Variants in PPP2R5C observed in about 807,000 individuals in gnomAD.
The protein encoded by PPP2R5C is protein phosphatase 2 regulatory subunit B'gamma, also known as serine/threonine-protein phosphatase 2A 56 kDa regulatory subunit gamma isoform.
In PPP2R5C, 7 loss-of-function variants were observed where a neutral mutation model predicts 68.9. That is an observed-to-expected ratio of 0.10 (90% CI 0.06 to 0.19). The LOEUF (loss-of-function observed/expected upper bound fraction) is 0.19, where lower values mean the gene tolerates loss of function less well. Ranked by LOEUF, PPP2R5C falls within the 10% of genes least tolerant of loss-of-function variation. The pLI is 1.00. For missense variants in PPP2R5C, 348 were observed against 641.3 expected (o/e 0.54, Z 4.94); for synonymous variants, 210 against 222.2 (o/e 0.95, Z 0.49).
intron 2 of PPP2R5C, among the ~76,000 whole-genome samples, chr14:101,778,572 T>G (rs2037530803): frequency 6.6e-6 from 1 of 152,178 alleles, no homozygotes. Context: ...GTTGAAATCG[T>G]TTTTTTCCTG....
At chr14:101,903,385 T>A (rs1356339092) in intron 9 of PPP2R5C, among the ~76,000 whole-genome samples, 3 of 152,244 alleles carry the variant, frequency 2.0e-5, no homozygotes, top group African/African-American at 7.2e-5. Context: ...GCCGCGCAGC[T>A]GCCAGTGGCT....
chr14:101,790,849 G>A (rs1218120594), intron 3 of PPP2R5C, among the ~76,000 whole-genome samples: 1 of 152,250 alleles, frequency 6.6e-6, no homozygotes, highest in Non-Finnish European at 1.5e-5. Flanking sequence ...GGGAGGCCGA[G>A]GCGGGCGGAT....
rs142022401 is a variant in PPP2R5C, at chr14:101,912,661, T to C, written c.1326+188T>C. The C allele has an allele frequency of 4.6e-3, 5,688 of 1,223,458 alleles. 20 individuals carry two copies. Among genetic ancestry groups the C allele is most frequent in the Non-Finnish European group, 5.5e-3 (5,228 of 953,726 alleles). The allele number at this position is 1,223,458 out of a possible 1,614,324, so 75.8% of individuals were successfully genotyped here. ...GTACAAGTACTTATTTTGCCCCATA[T>C]CGTTTTACCACAGAATTGACTTTTT... On this transcript the variant is annotated intron_variant, in intron 12 of 13. Coordinates refer to ENST00000334743, the Ensembl canonical transcript of PPP2R5C.
At chr14:101,794,190 C>T (rs1372618004) in intron 3 of PPP2R5C, among the ~76,000 whole-genome samples, 1 of 152,192 alleles carries the variant, frequency 6.6e-6, no homozygotes, top group Non-Finnish European at 1.5e-5. Context: ...CCAGAACTTC[C>T]CTGCTTCCTG....
At chr14:101,923,227 A>G (rs1276782511) in intron 13 of PPP2R5C, among the ~76,000 whole-genome samples, 1 of 152,256 alleles carries the variant, frequency 6.6e-6, no homozygotes, top group Non-Finnish European at 1.5e-5. Context: ...ATGTCTAAGC[A>G]GAAAGGCCCA....
intron 13 of PPP2R5C, among the ~76,000 whole-genome samples, chr14:101,924,721 A>G (rs1028150309): frequency 2.6e-5 from 4 of 152,030 alleles, no homozygotes; most frequent in African/African-American, 7.2e-5. Flanking sequence ...GATTACAGGC[A>G]TGAGCCACCG....
At chr14:101,826,809 G>A (rs2040426158) in intron 1 of PPP2R5C, among the ~76,000 whole-genome samples, 1 of 152,070 alleles carries the variant, frequency 6.6e-6, no homozygotes, top group African/African-American at 2.4e-5. Flanking sequence ...CTCTGACTGT[G>A]AGCAGAGAAC....
rs142195305 is a variant in PPP2R5C at position 101,881,646 on chromosome 14, G to A, written c.295-515G>A. Among the ~76,000 whole-genome samples the A allele has an allele frequency of 4.6e-5, 7 of 152,310 alleles. No homozygotes were observed. The East Asian group carries it at 5.8e-4, about 13-fold the overall frequency. ...GATCTTAGCTGCCGACTCAAAGGTC[G>A]TCCCACTCTGACTGTTGCTTTCCTC... On this transcript the variant is annotated intron_variant, in intron 2 of 13. Transcript: ENST00000334743.
At position 101,899,767 on chromosome 14, in the gene PPP2R5C, T is replaced by C. The variant is rs768208449; in HGVS notation, c.853-1952T>C. The stretch of plus-strand genomic sequence containing the variant: ...GTGGTAGGAACACAATAAATACTTA[T>C]TCAATAGTTTTGAGCTAGGAGAACC... On this transcript the variant is annotated intron_variant, in intron 8 of 13. Coordinates refer to ENST00000334743, the Ensembl canonical transcript of PPP2R5C. The surrounding 1 kb of genome is among the most constrained non-coding windows in gnomAD (Gnocchi z 4.2). 6.6e-6 allele frequency among the ~76,000 whole-genome samples: 1 copy of C among 152,230 alleles called. No homozygotes were observed. Among genetic ancestry groups the C allele is most frequent in the African/African-American group, 2.4e-5 (1 of 41,464 alleles).
intron 3 of PPP2R5C, among the ~76,000 whole-genome samples, chr14:101,788,533 A>G (rs1204238653): frequency 6.6e-6 from 1 of 152,090 alleles, no homozygotes; most frequent in Non-Finnish European, 1.5e-5. Flanking sequence ...TTCTATTCTC[A>G]ACCTCCGTTT....
In PPP2R5C at chr14:101,768,895, G is replaced by A. The variant is rs376826404; in HGVS notation, c.93+5925G>A. On this transcript the variant is annotated intron_variant, in intron 2 of 14. Coordinates refer to the PPP2R5C transcript ENST00000328724. ...GCTGGAGTGCAGTGGCGCAATCTCC[G>A]CTCACTGCCAGCTCCGCCTCCCGGA... Among the ~76,000 whole-genome samples, 35 of 148,908 alleles carry A rather than the reference G, an allele frequency of 2.4e-4. No homozygotes were observed. The South Asian group carries it at 3.4e-3, about 14-fold the overall frequency.
exon 14 of PPP2R5C, chr14:101,925,300 C>T: frequency 6.2e-7 from 1 of 1,608,326 alleles, no homozygotes; most frequent in East Asian, 2.2e-5. Context: ...CGGGGCCGGG[C>T]CCGCCAGTTC....
chr14:101,822,373 T>C (rs980724072), intron 1 of PPP2R5C, among the ~76,000 whole-genome samples: 11 of 152,218 alleles, frequency 7.2e-5, no homozygotes, highest in Admixed American at 7.2e-4. Context: ...TTATTCTTAG[T>C]TAAGAGAAAT....
intron 1 of PPP2R5C, among the ~76,000 whole-genome samples, chr14:101,762,429 T>C (rs1302507865): frequency 8.6e-5 from 13 of 151,826 alleles, no homozygotes. Flanking sequence ...GGAGGGACGC[T>C]CTGGGGCTCT....
At chr14:101,816,060 G>A (rs941393956) in intron 1 of PPP2R5C, among the ~76,000 whole-genome samples, 17 of 152,202 alleles carry the variant, frequency 1.1e-4, no homozygotes, top group Admixed American at 4.6e-4. Context: ...TCCTCTATAC[G>A]CTGTAGTTAA....
At chr14:101,780,077 A>G (rs2037603171) in intron 2 of PPP2R5C, among the ~76,000 whole-genome samples, 1 of 152,074 alleles carries the variant, frequency 6.6e-6, no homozygotes, top group Admixed American at 6.6e-5. Context: ...ACACTACATT[A>G]TTTTGAAGCA....
chr14:101,900,894 G>T (rs779662980), intron 8 of PPP2R5C, among the ~76,000 whole-genome samples: 6 of 152,248 alleles, frequency 3.9e-5, no homozygotes, highest in Non-Finnish European at 8.8e-5. Flanking sequence ...CCTGCTCACC[G>T]CAGGCCCAGC....
chr14:101,925,788 T>G (rs1301180136), exon 14 of PPP2R5C: 1 of 152,652 alleles, frequency 6.6e-6, no homozygotes, highest in African/African-American at 2.4e-5. Flanking sequence ...TGCTTTCGAG[T>G]TCTCACGCAA....
upstream of PPP2R5C, among the ~76,000 whole-genome samples, chr14:101,761,549 G>A (rs1311179448): frequency 2.8e-4 from 41 of 145,618 alleles, no homozygotes; most frequent in Admixed American, 6.8e-5. Flanking sequence ...ACCAATGGCA[G>A]GGCGCTGTTG....
Sources: gnomAD v4.1 joint callset for allele counts (sites outside exome capture counted in the v4.1 genomes callset) on GRCh38, gnomAD v4.1.1 for gene constraint, Gnocchi (gnomAD v3.1) non-coding constraint, MANE v1.5 for transcripts, NCBI Gene and HGNC (gene_info 2026-07-23, HGNC 2026-07-21) for gene names.